The following MRAS variants were observed in gnomAD, a reference collection of about 807,000 sequenced individuals.
MRAS encodes ras-related protein M-Ras.
A neutral mutation model predicts 20.9 loss-of-function variants in MRAS; 4 were observed. That is an observed-to-expected ratio of 0.19 (90% CI 0.09 to 0.44). MRAS has a LOEUF of 0.44. Among genes scored for constraint, MRAS ranks in the 20% least tolerant of loss-of-function variants. The pLI is 0.99. For missense variants in MRAS, 154 were observed against 277.5 expected (o/e 0.56, Z 3.16); for synonymous variants, 98 against 102.9 (o/e 0.95, Z 0.29).
chr3:138,400,988 T>G (rs1323400373), intron 5 of MRAS, among the ~76,000 whole-genome samples: 1 of 152,200 alleles, frequency 6.6e-6, no homozygotes, highest in Non-Finnish European at 1.5e-5. Context: ...TGCCCTGATA[T>G]CAGAGCACCC....
At chr3:138,396,029 G>T (rs2055228773) in intron 2 of MRAS, among the ~76,000 whole-genome samples, 1 of 152,214 alleles carries the variant, frequency 6.6e-6, no homozygotes. Flanking sequence ...GGTTGGCATG[G>T]GGCTGGGGTT....
chr3:138,379,104 G>GCTAT (rs2054845973), intron 2 of MRAS, among the ~76,000 whole-genome samples: 1 of 151,948 alleles, frequency 6.6e-6, no homozygotes, highest in South Asian at 2.1e-4. Flanking sequence ...TCCCTACTGT[G>GCTAT]CTATCAAATA....
intron 1 of MRAS, among the ~76,000 whole-genome samples, chr3:138,370,481 C>G (rs1382260453): frequency 6.6e-6 from 1 of 152,072 alleles, no homozygotes; most frequent in Non-Finnish European, 1.5e-5. Context: ...CTCCCCATTT[C>G]TGTCACCCTG....
At chr3:138,354,975 G>A (rs1229165336) in intron 1 of MRAS, among the ~76,000 whole-genome samples, 1 of 151,870 alleles carries the variant, frequency 6.6e-6, no homozygotes, top group Non-Finnish European at 1.5e-5. Flanking sequence ...TGTAGAGATG[G>A]GGTCTCCCTT....
chr3:138,387,254 C>G (rs952341685), intron 2 of MRAS, among the ~76,000 whole-genome samples: 4 of 152,238 alleles, frequency 2.6e-5, no homozygotes, highest in Admixed American at 1.3e-4. Flanking sequence ...TTTCTCTTCC[C>G]TGCCACCCAT....
intron 1 of MRAS, among the ~76,000 whole-genome samples, chr3:138,360,547 A>G (rs2054425630): frequency 6.6e-6 from 1 of 152,132 alleles, no homozygotes; most frequent in Admixed American, 6.5e-5. Context: ...GACAGCAAGG[A>G]AGGACCCCTC....
intron 2 of MRAS, among the ~76,000 whole-genome samples, chr3:138,386,762 C>T (rs1415389303): frequency 3.9e-5 from 6 of 152,192 alleles, no homozygotes; most frequent in Admixed American, 6.5e-5. Context: ...GGATTACAGG[C>T]GTGAGCCACC....
In MRAS at chr3:138,397,096, G is replaced by A. The variant is rs1346166315; in HGVS notation, c.194-228G>A. 3.3e-5 allele frequency among the ~76,000 whole-genome samples: 5 copies of A among 152,188 alleles called. No homozygotes were observed. The East Asian group carries it at 9.6e-4, about 29-fold the overall frequency. On this transcript the variant is annotated intron_variant, in intron 2 of 5. Coordinates refer to ENST00000423968, the MANE Select transcript of MRAS (RefSeq NM_001085049.3). ...GGTGAAACTGGAGGAGAAGGGTTTGGTGGGTCCACAGTGAGTCAGAGCCTC... is the reference window on the plus strand; with the variant it reads ...GGTGAAACTGGAGGAGAAGGGTTTGATGGGTCCACAGTGAGTCAGAGCCTC...
chr3:138,367,460 T>C (rs1399077269), intron 1 of MRAS, among the ~76,000 whole-genome samples: 3 of 152,172 alleles, frequency 2.0e-5, no homozygotes, highest in Non-Finnish European at 2.9e-5. Context: ...GTTGGGCTTT[T>C]ACAAAAGACT....
At chr3:138,390,243 TC>T (rs1357073381) in intron 2 of MRAS, among the ~76,000 whole-genome samples, 8 of 152,094 alleles carry the variant, frequency 5.3e-5, no homozygotes, top group Admixed American at 4.6e-4. Context: ...ATCGATAAGC[TC>T]CCAGCAGTTC....
At chr3:138,388,877 C>T (rs1286723872) in intron 2 of MRAS, among the ~76,000 whole-genome samples, 6 of 151,650 alleles carry the variant, frequency 4.0e-5, no homozygotes, top group Non-Finnish European at 8.8e-5. Flanking sequence ...GTTTCACTCT[C>T]GTTGCCCAGG....
chr3:138,360,751 G>C (rs1245228929), intron 1 of MRAS, among the ~76,000 whole-genome samples: 1 of 152,232 alleles, frequency 6.6e-6, no homozygotes, highest in Admixed American at 6.5e-5. Context: ...TCCTGCATTT[G>C]GAAATGCAGA....
At chr3:138,348,429 C>A (rs2054158462), upstream of MRAS, 1 of 152,126 alleles carries the variant, frequency 6.6e-6, no homozygotes, top group African/African-American at 2.4e-5. Context: ...GGCTGGACTT[C>A]GTAGGCGCGC....
At chr3:138,368,067 G>T (rs897464656) in intron 1 of MRAS, among the ~76,000 whole-genome samples, 3 of 152,212 alleles carry the variant, frequency 2.0e-5, no homozygotes, top group Non-Finnish European at 4.4e-5. Context: ...CAGTTCAGCC[G>T]CCCCCACGGC....
At chr3:138,363,647 G>A (rs539278162) in intron 1 of MRAS, among the ~76,000 whole-genome samples, 1 of 152,278 alleles carries the variant, frequency 6.6e-6, no homozygotes, top group South Asian at 2.1e-4. Context: ...GACTGGATGT[G>A]TGTGATCCCA....
At chr3:138,350,856 T>C (rs1333797523) in intron 1 of MRAS, among the ~76,000 whole-genome samples, 1 of 150,772 alleles carries the variant, frequency 6.6e-6, no homozygotes, top group Non-Finnish European at 1.5e-5. Flanking sequence ...GGTGGGAGGA[T>C]TGCTTAAGCC....
At chr3:138,385,701 A>G (rs774188900) in intron 2 of MRAS, among the ~76,000 whole-genome samples, 1 of 152,078 alleles carries the variant, frequency 6.6e-6, no homozygotes, top group East Asian at 1.9e-4. Context: ...TTTTTGGTAG[A>G]GATGGGGTTT....
intron 1 of MRAS, among the ~76,000 whole-genome samples, chr3:138,362,935 C>G (rs978674288): frequency 6.6e-6 from 1 of 152,176 alleles, no homozygotes; most frequent in Non-Finnish European, 1.5e-5. Context: ...CATCATGTTG[C>G]TCGCAGTACC....
chr3:138,366,837 GA>G (rs2054569708), intron 1 of MRAS, among the ~76,000 whole-genome samples: 1 of 152,232 alleles, frequency 6.6e-6, no homozygotes, highest in Non-Finnish European at 1.5e-5. Flanking sequence ...CACTGCTTTG[GA>G]AGTGATGCTG....
Sources: allele counts gnomAD v4.1 joint callset (sites outside exome capture counted in the v4.1 genomes callset), GRCh38; gene constraint gnomAD v4.1.1; transcripts MANE v1.5; gene names NCBI Gene and HGNC (gene_info 2026-07-23, HGNC 2026-07-21).